The following DRICH1 variants were observed in gnomAD, a reference collection of about 807,000 sequenced individuals.
DRICH1 encodes aspartate rich 1, also known as aspartate-rich protein 1.
A neutral mutation model predicts 39.5 loss-of-function variants in DRICH1; 38 were observed. The observed-to-expected ratio is 0.96, with a 90% CI of 0.74 to 1.26. The LOEUF (loss-of-function observed/expected upper bound fraction) is 1.26. DRICH1 is among the 50% of genes most tolerant of loss of function. The pLI is 0.00. For missense variants in DRICH1, 279 were observed against 270.4 expected, an observed-to-expected ratio of 1.03 and a Z score of -0.22; for synonymous variants, 84 against 99.5, an observed-to-expected ratio of 0.84 and a Z score of 0.93.
At chr22:23,588,634 G>A in the DRICH1 span, among the ~76,000 whole-genome samples, 1 of 152,208 alleles carries the variant, frequency 6.6e-6, no homozygotes. Context: ...CTCACTCTCA[G>A]GTGCTGACCC....
downstream of DRICH1, among the ~76,000 whole-genome samples, chr22:23,604,494 C>T (rs1926627837): frequency 6.6e-6 from 1 of 152,148 alleles, no homozygotes; most frequent in Non-Finnish European, 1.5e-5. Context: ...GGGACCTCAG[C>T]CCTGGCACAA....
chr22:23,622,724 T>A (rs957119307), intron 3 of DRICH1, among the ~76,000 whole-genome samples: 8 of 90,614 alleles, frequency 8.8e-5, no homozygotes, highest in African/African-American at 3.2e-4. Flanking sequence ...ATAGTCATGA[T>A]TTCCTCTTTG....
the DRICH1 span, among the ~76,000 whole-genome samples, chr22:23,589,442 C>T: frequency 6.6e-6 from 1 of 151,626 alleles, no homozygotes; most frequent in Non-Finnish European, 1.5e-5. Context: ...CAGAGCAACA[C>T]TGTCTCATTA....
chr22:23,585,813 T>C, the DRICH1 span, among the ~76,000 whole-genome samples: 1 of 152,224 alleles, frequency 6.6e-6, no homozygotes, highest in Non-Finnish European at 1.5e-5. Context: ...AGTCACTGTG[T>C]GCCCGGCCAT....
At chr22:23,616,674 G>C (rs114891497) in intron 8 of DRICH1, among the ~76,000 whole-genome samples, 179 bp downstream of exon 8, 6,961 of 152,066 alleles carry the variant, frequency 0.046, 488 homozygotes, top group African/African-American at 0.16. Context: ...AAATCTCCTG[G>C]TTGGTCCTCT....
chr22:23,612,471 AAAAAAAAAAAG>A (rs975732139), intron 11 of DRICH1, among the ~76,000 whole-genome samples: 33 of 135,022 alleles, frequency 2.4e-4, no homozygotes, highest in Non-Finnish European at 4.7e-4. Flanking sequence ...CATCTCAAAA[AAAAAAAAAAAG>A]AAAAAAAAAA....
chr22:23,606,466 A>C (rs1189724609), downstream of DRICH1, among the ~76,000 whole-genome samples: 3 of 151,850 alleles, frequency 2.0e-5, no homozygotes, highest in African/African-American at 7.3e-5. Flanking sequence ...ATGGCTTCCC[A>C]TTGGCGTCGG....
chr22:23,632,378 G>T (rs1921012054), upstream of DRICH1: 1 of 300,044 alleles, frequency 3.3e-6, no homozygotes, highest in Non-Finnish European at 6.4e-6. Flanking sequence ...ATGTCACCTG[G>T]TTACCAGGAA....
chr22:23,598,391 T>A, the DRICH1 span, among the ~76,000 whole-genome samples: 1 of 151,268 alleles, frequency 6.6e-6, no homozygotes, highest in Non-Finnish European at 1.5e-5. Context: ...GGCATTCTCA[T>A]TTAATCCCCA....
Position 23,626,055 on chromosome 22 carries a change from G to C in DRICH1, c.209-7C>G. 1.2e-6 allele frequency: 2 copies of C among 1,608,916 alleles called. No homozygotes were observed. The highest frequency in any genetic ancestry group is 1.7e-6 in the Non-Finnish European group (2 of 1,175,772). ...AGGCGGTCCTCAGGGGGACCTAAAA[G>C]GACACAGAGTTAATGTCAGTGCCCT... On this transcript the variant is annotated splice_region_variant and splice_polypyrimidine_tract_variant and intron_variant, in intron 1 of 11. Coordinates refer to ENST00000317749, the MANE Select transcript of DRICH1 (RefSeq NM_016449.4).
In DRICH1 at chr22:23,614,162, T is replaced by A; in HGVS notation, c.594A>T (p.Glu198Asp). 6.2e-7 allele frequency: 1 copy of A among 1,613,412 alleles called. No homozygotes were observed. Among genetic ancestry groups the A allele is most frequent in the Non-Finnish European group, 8.5e-7 (1 of 1,179,344 alleles). ...FLRCSLRHKDEEEEDDDDIHI... is the reference protein window; with the variant it reads ...FLRCSLRHKDDEEEDDDDIHI... ...GGATGTCATCATCATCTTCTTCTTC[T>A]TCATCTTTGTGTCTCAGTGAGCATC... Residue 198 changes from glutamate to aspartate, a missense_variant, in exon 9 of 12, where the codon GAA becomes GAT. Glu to Asp is a conservative substitution (Grantham distance 45). Coordinates refer to ENST00000317749, the MANE Select transcript of DRICH1 (RefSeq NM_016449.4).
chr22:23,611,147 T>C (rs570750207), intron 11 of DRICH1, among the ~76,000 whole-genome samples: 1 of 152,312 alleles, frequency 6.6e-6, no homozygotes, highest in East Asian at 1.9e-4. Context: ...AATTTCATTT[T>C]ATGGTAATTC....
chr22:23,612,359 C>T (rs531377896), intron 11 of DRICH1, among the ~76,000 whole-genome samples: 44 of 148,446 alleles, frequency 3.0e-4, no homozygotes, highest in Non-Finnish European at 5.5e-4. Context: ...CCCCACTACT[C>T]GGGAGGCTGA....
chr22:23,619,316 C>G, intron 6 of DRICH1, 48 bp downstream of exon 6: 1 of 778,228 alleles, frequency 1.3e-6, no homozygotes, highest in Non-Finnish European at 2.4e-6. Flanking sequence ...GATAGGAAGA[C>G]TCAGCATGAC....
chr22:23,592,544 A>G, the DRICH1 span, among the ~76,000 whole-genome samples: 1 of 152,134 alleles, frequency 6.6e-6, no homozygotes, highest in Non-Finnish European at 1.5e-5. Flanking sequence ...TCACACAGCA[A>G]GTGCTGCTGG....
intron 6 of DRICH1, among the ~76,000 whole-genome samples, chr22:23,617,891 C>T (rs1927464384): frequency 2.0e-5 from 3 of 152,180 alleles, no homozygotes; most frequent in South Asian, 4.1e-4. Flanking sequence ...AACTAAAGCA[C>T]ACACTAAGGG....
intron 6 of DRICH1, 23 bp downstream of exon 6, chr22:23,619,341 A>C: frequency 1.3e-6 from 1 of 780,656 alleles, no homozygotes; most frequent in Admixed American, 1.7e-5. Context: ...ACACAATACT[A>C]CACACATGAT....
chr22:23,592,276 C>A, the DRICH1 span, among the ~76,000 whole-genome samples: 1 of 152,156 alleles, frequency 6.6e-6, no homozygotes, highest in South Asian at 2.1e-4. Flanking sequence ...AGAACAAATA[C>A]AAGGGCAGTC....
the DRICH1 span, among the ~76,000 whole-genome samples, chr22:23,597,260 G>A: frequency 1.3e-5 from 2 of 149,200 alleles, no homozygotes; most frequent in African/African-American, 5.0e-5. Flanking sequence ...GGGAGGCCAA[G>A]GCAGGTGAAG....
Sources: allele counts gnomAD v4.1 joint callset (sites outside exome capture counted in the v4.1 genomes callset), GRCh38; gene constraint gnomAD v4.1.1; transcripts MANE v1.5; gene names NCBI Gene and HGNC (gene_info 2026-07-23, HGNC 2026-07-21).